Variants in TRIM16 observed in about 807,000 individuals in gnomAD.
TRIM16 encodes tripartite motif-containing protein 16.
In TRIM16, 33 loss-of-function variants were observed where a neutral mutation model predicts 50.4. The ratio of observed to expected loss-of-function variants is 0.65; its 90% CI spans 0.50 to 0.88. TRIM16 has a LOEUF of 0.88. Ranked by LOEUF, TRIM16 falls within the 40% of genes least tolerant of loss-of-function variation. The pLI is 0.00. For missense variants in TRIM16, 581 were observed against 686.8 expected (o/e 0.85, Z 1.72); for synonymous variants, 229 against 270.7 (o/e 0.85, Z 1.51).
intron 4 of TRIM16, among the ~76,000 whole-genome samples, chr17:15,679,431 G>A (rs953270410): frequency 6.6e-6 from 1 of 152,228 alleles, no homozygotes; most frequent in East Asian, 1.9e-4. Flanking sequence ...AAAGCAAACT[G>A]TTTCTAGATC....
Position 15,677,211 on chromosome 17 carries a change from A to G in TRIM16, c.-373T>C, listed in dbSNP as rs187791972. 657 of 985,376 alleles carry G rather than the reference A, an allele frequency of 6.7e-4. 6 individuals carry two copies. In the Admixed American group the frequency reaches 0.013, roughly 19 times the overall value. The allele number at this position is 985,376 out of a possible 1,614,324, so 61.0% of individuals were successfully genotyped here. ...GCTTCTTGGCACCTCTCCCTCCTGC[A>G]TTTGTGTTCGTGGGCTTACCACTTC... On this transcript the variant is annotated 5_prime_UTR_variant, in exon 6 of 12. It removes an upstream start codon present in the reference 5' UTR. Coordinates refer to ENST00000649191, the MANE Select transcript of TRIM16 (RefSeq NM_001348119.1).
At chr17:15,656,040 T>C (rs1987964881) in intron 6 of TRIM16, among the ~76,000 whole-genome samples, 1 of 152,164 alleles carries the variant, frequency 6.6e-6, no homozygotes. Context: ...CAGGTTGGGA[T>C]ATTTGGCAGG....
intron 6 of TRIM16, among the ~76,000 whole-genome samples, chr17:15,666,579 C>T (rs1180150276): frequency 6.6e-6 from 1 of 152,142 alleles, no homozygotes; most frequent in Admixed American, 6.5e-5. Context: ...TTCTACCATG[C>T]CTGGTTCCAG....
chr17:15,669,581 T>C lies in TRIM16; in HGVS notation c.-338+7595A>G, dbSNP rs533128694. On this transcript the variant is annotated intron_variant, in intron 6 of 11. Transcript: ENST00000649191. ...CTTTTACTTATACACTTCTACAGTA[T>C]ACTATTTGATTCTGTCACAAAGAAT... is the stretch of plus-strand genomic sequence containing the variant. Among the ~76,000 whole-genome samples, 432 of 152,204 alleles carry C rather than the reference T, an allele frequency of 2.8e-3. 3 individuals are homozygous for C. Among genetic ancestry groups the C allele is most frequent in the African/African-American group, 9.8e-3 (405 of 41,498 alleles).
chr17:15,645,368 G>C (rs1364242988), intron 7 of TRIM16, among the ~76,000 whole-genome samples: 1 of 151,966 alleles, frequency 6.6e-6, no homozygotes, highest in East Asian at 1.9e-4. Flanking sequence ...GTATTCGAAG[G>C]CAGAGCCAGC....
intron 7 of TRIM16, among the ~76,000 whole-genome samples, chr17:15,647,058 C>T (rs1176511718): frequency 1.3e-5 from 2 of 151,890 alleles, no homozygotes; most frequent in East Asian, 3.9e-4. Flanking sequence ...CCTCCACCTC[C>T]CAGGTTCAAG....
intron 4 of TRIM16, among the ~76,000 whole-genome samples, chr17:15,678,195 G>A (rs1183975141): frequency 1.3e-5 from 2 of 151,594 alleles, no homozygotes; most frequent in African/African-American, 2.4e-5. Flanking sequence ...CTCCAGCCTG[G>A]GCAACAGAAC....
chr17:15,665,931 T>C (rs1988478659), intron 6 of TRIM16, among the ~76,000 whole-genome samples: 2 of 151,716 alleles, frequency 1.3e-5, no homozygotes, highest in Admixed American at 6.6e-5. Context: ...ACACAACAAA[T>C]TTAACCCTCC....
intron 11 of TRIM16, among the ~76,000 whole-genome samples, chr17:15,629,537 G>A (rs1297469381): frequency 1.3e-5 from 2 of 152,278 alleles, no homozygotes. Flanking sequence ...ATCCTACCCA[G>A]TGTTGGCAAG....
rs541945508 is a variant in TRIM16 at position 15,649,974 on chromosome 17, C to T, written c.519+1117G>A. On this transcript the variant is annotated intron_variant, in intron 7 of 11. Transcript: ENST00000649191. ...TGTCCTCCTGATGGGACACTCCCTACCCTGGGAACACTGGAAACAGTTTGG... is the reference window on the plus strand; with the variant it reads ...TGTCCTCCTGATGGGACACTCCCTATCCTGGGAACACTGGAAACAGTTTGG... Among the ~76,000 whole-genome samples the T allele has an allele frequency of 3.3e-5, 5 of 152,320 alleles. No homozygotes were observed. In the South Asian group the frequency reaches 6.2e-4, roughly 19 times the overall value.
chr17:15,651,076 T>TC lies in TRIM16; in HGVS notation c.519+14dup. ...CGCCCTCTCCCAAATGGATGAATGG[T>TC]CCCCAAGCACTCACCTCCTTGTCCC... On this transcript the variant is annotated intron_variant, in intron 7 of 11. Transcript: ENST00000649191. The TC allele has an allele frequency of 6.3e-7, 1 of 1,591,312 alleles. No individual in the cohort carries two copies. Among genetic ancestry groups the TC allele is most frequent in the Non-Finnish European group, 8.6e-7 (1 of 1,167,590 alleles).
At chr17:15,658,140 T>C (rs1988059558) in intron 6 of TRIM16, among the ~76,000 whole-genome samples, 1 of 152,158 alleles carries the variant, frequency 6.6e-6, no homozygotes, top group African/African-American at 2.4e-5. Flanking sequence ...TCATCTTTCA[T>C]CCTGTTGAGT....
chr17:15,631,116 T>C (rs936429785), intron 11 of TRIM16, among the ~76,000 whole-genome samples: 29 of 152,040 alleles, frequency 1.9e-4, no homozygotes, highest in Admixed American at 1.3e-4. Flanking sequence ...AATGAATCAC[T>C]TGGTAACTAG....
chr17:15,665,305 C>T (rs145136441), intron 6 of TRIM16, among the ~76,000 whole-genome samples: 170 of 151,712 alleles, frequency 1.1e-3, no homozygotes, highest in Admixed American at 3.6e-3. Flanking sequence ...GAGGTCAGAT[C>T]GAGACCATCC....
intron 11 of TRIM16, among the ~76,000 whole-genome samples, chr17:15,629,766 C>G (rs1986314752): frequency 6.6e-6 from 1 of 152,162 alleles, no homozygotes; most frequent in Non-Finnish European, 1.5e-5. Flanking sequence ...ATTTGTTTTG[C>G]CCTCATCCTC....
At chr17:15,649,507 C>T (rs938395838) in intron 7 of TRIM16, among the ~76,000 whole-genome samples, 4 of 152,074 alleles carry the variant, frequency 2.6e-5, no homozygotes, top group Non-Finnish European at 4.4e-5. Flanking sequence ...AGGATGGTCT[C>T]GATCTCCTGC....
intron 8 of TRIM16, among the ~76,000 whole-genome samples, chr17:15,636,752 A>C (rs1488192286): frequency 6.8e-6 from 1 of 147,546 alleles, no homozygotes; most frequent in Non-Finnish European, 1.5e-5. Flanking sequence ...TACTGTCTCT[A>C]CCACATACAG....
intron 8 of TRIM16, among the ~76,000 whole-genome samples, chr17:15,639,480 T>C (rs1987017898): frequency 6.8e-6 from 1 of 147,910 alleles, no homozygotes; most frequent in South Asian, 2.2e-4. Context: ...TGGTAGACTT[T>C]ATCCAAATTC....
intron 6 of TRIM16, among the ~76,000 whole-genome samples, chr17:15,661,870 C>T (rs762943229): frequency 2.7e-4 from 41 of 152,176 alleles, no homozygotes; most frequent in Non-Finnish European, 3.8e-4. Context: ...ATAATTAACT[C>T]CTTCTCTCAG....
Sources: gnomAD v4.1 joint callset for allele counts (sites outside exome capture counted in the v4.1 genomes callset) on GRCh38, gnomAD v4.1.1 for gene constraint, MANE v1.5 for transcripts, NCBI Gene and HGNC (gene_info 2026-07-23, HGNC 2026-07-21) for gene names.